CREB5: variants seen among roughly 807,000 people sequenced by gnomAD.
The protein encoded by CREB5 is cAMP responsive element binding protein 5.
Under a neutral mutation model 57.1 loss-of-function variants are expected in CREB5, and 19 were observed. The ratio of observed to expected loss-of-function variants is 0.33; its 90% CI spans 0.23 to 0.49. CREB5 has a LOEUF of 0.49. CREB5 is among the 20% of genes least tolerant of loss of function. CREB5 has a pLI of 0.99. For synonymous variants in CREB5, 238 were observed against 238.3 expected (o/e 1.00, Z 0.01); for missense variants, 579 against 671.6 (o/e 0.86, Z 1.52).
intron 7 of CREB5, among the ~76,000 whole-genome samples, chr7:28,750,932 C>T (rs1029192224): frequency 2.6e-5 from 4 of 152,006 alleles, no homozygotes; most frequent in Admixed American, 1.3e-4. Flanking sequence ...GCCTAATTAC[C>T]CCTATGGAAC....
chr7:28,565,738 T>C (rs1012836617), intron 4 of CREB5, among the ~76,000 whole-genome samples: 17 of 152,088 alleles, frequency 1.1e-4, no homozygotes, highest in Admixed American at 1.0e-3. Flanking sequence ...TTGGCCAACA[T>C]AGTGAAACCC....
intron 3 of CREB5, among the ~76,000 whole-genome samples, chr7:28,499,591 G>A (rs1460140946): frequency 2.6e-5 from 4 of 152,116 alleles, no homozygotes; most frequent in African/African-American, 9.7e-5. Flanking sequence ...GTGTCTTTTT[G>A]TTTTGTTTTG....
intron 1 of CREB5, among the ~76,000 whole-genome samples, chr7:28,406,991 G>C (rs1215759191): frequency 6.6e-6 from 1 of 151,574 alleles, no homozygotes; most frequent in Non-Finnish European, 1.5e-5. Context: ...TTAATAAAAA[G>C]AGAGTGAGTG....
chr7:28,641,051 A>G (rs1466039524), intron 5 of CREB5, among the ~76,000 whole-genome samples: 1 of 152,136 alleles, frequency 6.6e-6, no homozygotes, highest in Non-Finnish European at 1.5e-5. Flanking sequence ...ATCACCCACA[A>G]TGACCCCTTC....
chr7:28,798,952 A>C (rs1808212360), intron 7 of CREB5, among the ~76,000 whole-genome samples: 1 of 152,228 alleles, frequency 6.6e-6, no homozygotes. Flanking sequence ...TGCAAAATAC[A>C]GCTTAGACCC....
chr7:28,782,362 TCAG>T (rs34000796), intron 7 of CREB5, among the ~76,000 whole-genome samples: 36,577 of 152,086 alleles, frequency 0.24, 5,362 homozygotes, highest in Non-Finnish European at 0.34. Flanking sequence ...TGATACATTG[TCAG>T]CAGCAGAAAT....
chr7:28,570,232 T>C, intron 4 of CREB5, 133 bp from the exon 5 acceptor site: 1 of 880,052 alleles, frequency 1.1e-6, no homozygotes, highest in South Asian at 1.8e-5. Flanking sequence ...TGAATGGGCC[T>C]ATGGCTTGCC....
At chr7:28,589,304 C>T (rs1242131994) in intron 5 of CREB5, among the ~76,000 whole-genome samples, 1 of 152,108 alleles carries the variant, frequency 6.6e-6, no homozygotes, top group East Asian at 1.9e-4. Context: ...CATGTAATCT[C>T]AGCACTTTGG....
rs1460009626 is a variant in CREB5 at position 28,518,136 on chromosome 7, C to G, written c.291+10399C>G. Among the ~76,000 whole-genome samples the G allele has an allele frequency of 2.0e-5, 3 of 152,114 alleles. No homozygotes were observed. The East Asian group carries it at 5.8e-4, about 29-fold the overall frequency. On this transcript the variant is annotated intron_variant, in intron 4 of 10. Coordinates refer to ENST00000357727, the MANE Select transcript of CREB5 (RefSeq NM_182898.4). ...TATTTTGGATTTAGTGTGGCTGCAGCCAGCGGAGCCCTTGAGATCTGAGGT... is the reference window on the plus strand; with the variant it reads ...TATTTTGGATTTAGTGTGGCTGCAGGCAGCGGAGCCCTTGAGATCTGAGGT...
intron 4 of CREB5, among the ~76,000 whole-genome samples, chr7:28,508,283 A>G (rs910361035): frequency 2.6e-5 from 4 of 152,242 alleles, no homozygotes; most frequent in Admixed American, 1.3e-4. Context: ...GAAACCCTTA[A>G]GAATATATTC....
At chr7:28,540,774 G>A (rs1216169303) in intron 4 of CREB5, among the ~76,000 whole-genome samples, 4 of 152,200 alleles carry the variant, frequency 2.6e-5, no homozygotes, top group Admixed American at 2.0e-4. Flanking sequence ...AGGTGTGATT[G>A]TAAGAAGGTC....
intron 1 of CREB5, among the ~76,000 whole-genome samples, chr7:28,384,252 G>A (rs1010803664): frequency 6.6e-6 from 1 of 152,188 alleles, no homozygotes; most frequent in African/African-American, 2.4e-5. Flanking sequence ...ACCCCAGTGC[G>A]CAGTACTGCT....
chr7:28,591,635 G>C (rs1796522083), intron 5 of CREB5, among the ~76,000 whole-genome samples: 1 of 152,078 alleles, frequency 6.6e-6, no homozygotes, highest in Non-Finnish European at 1.5e-5. Flanking sequence ...AGGTGGACAG[G>C]GGCTAAGGGA....
rs143526242 is a variant in CREB5 at position 28,777,825 on chromosome 7, G to C, written c.703-26374G>C. Among the ~76,000 whole-genome samples, 62 of 152,002 alleles carry C rather than the reference G, an allele frequency of 4.1e-4. No individual in the cohort carries two copies. The East Asian group carries it at 6.2e-3, about 15-fold the overall frequency. On this transcript the variant is annotated intron_variant, in intron 7 of 10. Coordinates refer to ENST00000357727, the MANE Select transcript of CREB5 (RefSeq NM_182898.4). Reference sequence around the variant, plus strand: ...GTGTTAACAACAAAAACAATTTTAGGTAATGCCAAGAAAAGAAAAAAGAAA... The same window carrying C: ...GTGTTAACAACAAAAACAATTTTAGCTAATGCCAAGAAAAGAAAAAAGAAA...
intron 1 of CREB5, among the ~76,000 whole-genome samples, chr7:28,449,990 C>T (rs1312123156): frequency 1.3e-5 from 2 of 152,276 alleles, no homozygotes; most frequent in African/African-American, 4.8e-5. Flanking sequence ...GTGAGAGGAG[C>T]TCAGTCAATG....
chr7:28,364,153 T>C (rs4498447), intron 1 of CREB5, among the ~76,000 whole-genome samples: 71,897 of 152,140 alleles, frequency 0.47, 17,200 homozygotes, highest in African/African-American at 0.53. Context: ...TCACAATGAA[T>C]TTATGTTTCT....
chr7:28,407,331 G>C (rs916571288), intron 1 of CREB5, among the ~76,000 whole-genome samples: 4 of 152,178 alleles, frequency 2.6e-5, no homozygotes, highest in Non-Finnish European at 5.9e-5. Flanking sequence ...GATTACAGGT[G>C]TGAACCACCG....
chr7:28,622,902 TG>T (rs1300382649), intron 5 of CREB5, among the ~76,000 whole-genome samples: 1 of 152,198 alleles, frequency 6.6e-6, no homozygotes, highest in African/African-American at 2.4e-5. Context: ...CACCTTCTTC[TG>T]GTTTTTTTCT....
intron 5 of CREB5, among the ~76,000 whole-genome samples, chr7:28,618,201 A>G (rs1797666440): frequency 6.6e-6 from 1 of 152,172 alleles, no homozygotes. Context: ...GTTGTTGGAA[A>G]CAACTGTCCT....
Sources: gnomAD v4.1 joint callset for allele counts (sites outside exome capture counted in the v4.1 genomes callset) on GRCh38, gnomAD v4.1.1 for gene constraint, MANE v1.5 for transcripts, NCBI Gene and HGNC (gene_info 2026-07-23, HGNC 2026-07-21) for gene names.